Variants in GRM7 observed in about 807,000 individuals in gnomAD.
The protein encoded by GRM7 is metabotropic glutamate receptor 7.
GRM7 carries 35 observed loss-of-function variants against 84.5 expected under a neutral mutation model. That is an observed-to-expected ratio of 0.41 (90% CI 0.32 to 0.55). The LOEUF (loss-of-function observed/expected upper bound fraction) is 0.55. Ranked by LOEUF, GRM7 falls within the 20% of genes least tolerant of loss-of-function variation. GRM7 has a pLI of 0.19. For missense variants in GRM7, 1,003 were observed against 1,194.6 expected (o/e 0.84, Z 2.36); for synonymous variants, 487 against 455.1 (o/e 1.07, Z -0.89).
At chr3:7,588,767 G>C (rs1695637989) in intron 8 of GRM7, among the ~76,000 whole-genome samples, 1 of 152,122 alleles carries the variant, frequency 6.6e-6, no homozygotes, top group South Asian at 2.1e-4. Context: ...ATGTATTGGT[G>C]GACAAATGAA....
intron 2 of GRM7, among the ~76,000 whole-genome samples, chr3:7,173,702 C>A (rs73124136): frequency 0.034 from 5,199 of 152,094 alleles, 304 homozygotes; most frequent in African/African-American, 0.12. Context: ...CTCTCCTAGG[C>A]GTCCCCAGCC....
chr3:7,497,278 A>G (rs919989611), intron 7 of GRM7, among the ~76,000 whole-genome samples: 2 of 152,168 alleles, frequency 1.3e-5, no homozygotes, highest in African/African-American at 4.8e-5. Context: ...GATGTTTTAG[A>G]GGTGACCACA....
At chr3:7,686,043 G>C (rs749407942) in intron 9 of GRM7, among the ~76,000 whole-genome samples, 4 of 152,132 alleles carry the variant, frequency 2.6e-5, no homozygotes, top group African/African-American at 7.2e-5. Context: ...TGAGAAAAAA[G>C]GGCTGGCAAG....
intron 1 of GRM7, among the ~76,000 whole-genome samples, chr3:6,941,196 G>T (rs1262868610): frequency 6.6e-6 from 1 of 152,158 alleles, no homozygotes; most frequent in African/African-American, 2.4e-5. Context: ...ACACACATTA[G>T]TTTCCAAACT....
intron 8 of GRM7, among the ~76,000 whole-genome samples, chr3:7,635,392 A>G (rs937018414): frequency 3.9e-5 from 6 of 152,216 alleles, no homozygotes; most frequent in Non-Finnish European, 5.9e-5. Context: ...CAACGTGTCC[A>G]TTTCATTAAG....
intron 9 of GRM7, among the ~76,000 whole-genome samples, chr3:7,703,730 A>T (rs749037160): frequency 6.6e-6 from 1 of 152,194 alleles, no homozygotes; most frequent in African/African-American, 2.4e-5. Context: ...CTTGACAATT[A>T]TCCTTGAGCT....
At chr3:7,167,395 C>A (rs553408323) in intron 2 of GRM7, among the ~76,000 whole-genome samples, 5 of 152,272 alleles carry the variant, frequency 3.3e-5, no homozygotes, top group African/African-American at 4.8e-5. Flanking sequence ...CACATCCCTG[C>A]ATGTGCCATT....
In GRM7 at chr3:7,222,295, T is replaced by A. The variant is rs950842990; in HGVS notation, c.736+75627T>A. Reference sequence around the variant, plus strand: ...GAATCAAACACTACCTAGATTAAGGTAGTGCTGTGAAGATATTTTGCAGGT... The same window carrying A: ...GAATCAAACACTACCTAGATTAAGGAAGTGCTGTGAAGATATTTTGCAGGT... On this transcript the variant is annotated intron_variant, in intron 2 of 9. Coordinates refer to ENST00000357716, the MANE Select transcript of GRM7 (RefSeq NM_000844.4). 6.6e-5 allele frequency among the ~76,000 whole-genome samples: 10 copies of A among 151,982 alleles called. No homozygotes were observed. In the Middle Eastern group the frequency reaches 0.01, roughly 155 times the overall value.
intron 4 of GRM7, among the ~76,000 whole-genome samples, chr3:7,359,331 CTCTT>C (rs1339918322): frequency 2.4e-5 from 3 of 123,756 alleles, no homozygotes; most frequent in African/African-American, 1.0e-4. Flanking sequence ...ACCCCTCCTC[CTCTT>C]TTTTTTTTTT....
chr3:7,386,582 A>T (rs1694794376), intron 4 of GRM7, among the ~76,000 whole-genome samples: 1 of 152,182 alleles, frequency 6.6e-6, no homozygotes, highest in African/African-American at 2.4e-5. Context: ...AACTGCATTC[A>T]TGTTACTGCA....
chr3:7,417,589 A>G (rs988718489), intron 5 of GRM7, among the ~76,000 whole-genome samples: 1 of 152,162 alleles, frequency 6.6e-6, no homozygotes, highest in Non-Finnish European at 1.5e-5. Flanking sequence ...TGAGCAGGCT[A>G]GCTGAGTAGT....
chr3:7,427,931 A>G (rs547108762), intron 5 of GRM7, among the ~76,000 whole-genome samples: 80 of 152,302 alleles, frequency 5.3e-4, no homozygotes, highest in Middle Eastern at 3.4e-3. Flanking sequence ...GGTCTGGCAG[A>G]CTTCAAAACC....
intron 9 of GRM7, among the ~76,000 whole-genome samples, chr3:7,735,824 A>C (rs1191922665): frequency 6.6e-6 from 1 of 152,152 alleles, no homozygotes; most frequent in Non-Finnish European, 1.5e-5. Context: ...AATCACACAG[A>C]AAATTATTAT....
At chr3:6,877,842 C>T (rs983222172) in intron 1 of GRM7, among the ~76,000 whole-genome samples, 80 of 144,394 alleles carry the variant, frequency 5.5e-4, no homozygotes, top group African/African-American at 1.9e-3. Context: ...CACACACACA[C>T]ACACACACAC....
At chr3:7,625,883 T>C (rs1298281367) in intron 8 of GRM7, among the ~76,000 whole-genome samples, 2 of 151,970 alleles carry the variant, frequency 1.3e-5, no homozygotes, top group Non-Finnish European at 2.9e-5. Flanking sequence ...GCTGAAGATA[T>C]CAGCAAAGGG....
intron 2 of GRM7, among the ~76,000 whole-genome samples, chr3:7,217,889 AT>A (rs771719800): frequency 6.6e-6 from 1 of 151,376 alleles, no homozygotes; most frequent in Non-Finnish European, 1.5e-5. Flanking sequence ...TAATTTTGTG[AT>A]TTTCTTTTAT....
At chr3:7,575,902 C>T (rs996715165) in intron 7 of GRM7, among the ~76,000 whole-genome samples, 2 of 151,732 alleles carry the variant, frequency 1.3e-5, no homozygotes, top group Non-Finnish European at 2.9e-5. Flanking sequence ...TATTTTATTC[C>T]AAGGGGAAAA....
intron 9 of GRM7, among the ~76,000 whole-genome samples, chr3:7,732,203 G>T (rs1702355931): frequency 6.6e-6 from 1 of 152,118 alleles, no homozygotes; most frequent in South Asian, 2.1e-4. Context: ...CAATGCTGTG[G>T]TCTTTCTTTA....
chr3:7,180,304 T>C (rs1695292913), intron 2 of GRM7, among the ~76,000 whole-genome samples: 1 of 152,182 alleles, frequency 6.6e-6, no homozygotes, highest in African/African-American at 2.4e-5. Flanking sequence ...ACTGTGTTGC[T>C]GTCTGCAAAG....
Sources: allele counts gnomAD v4.1 joint callset (sites outside exome capture counted in the v4.1 genomes callset), GRCh38; gene constraint gnomAD v4.1.1; transcripts MANE v1.5; gene names NCBI Gene and HGNC (gene_info 2026-07-23, HGNC 2026-07-21).